POU2F1: variants seen among roughly 807,000 people sequenced by gnomAD.
POU2F1 encodes POU domain, class 2, transcription factor 1.
POU2F1 carries 16 observed loss-of-function variants against 84.9 expected under a neutral mutation model. The ratio of observed to expected loss-of-function variants is 0.19; its 90% CI spans 0.13 to 0.29. The LOEUF is 0.29. POU2F1 is among the 10% of genes least tolerant of loss of function. The probability of loss-of-function intolerance (pLI) is 1.00; values close to 1 mark genes in which losing one functional copy is unlikely to be tolerated. For missense variants in POU2F1, 738 were observed against 942.6 expected (o/e 0.78, Z 2.84); for synonymous variants, 368 against 368.3 (o/e 1.00, Z 0.01).
chr1:167,250,310 G>C (rs1340383978), intron 1 of POU2F1, among the ~76,000 whole-genome samples: 1 of 152,118 alleles, frequency 6.6e-6, no homozygotes, highest in African/African-American at 2.4e-5. Flanking sequence ...GATGTTTGGG[G>C]AACATCCATC....
intron 1 of POU2F1, among the ~76,000 whole-genome samples, chr1:167,282,822 A>G (rs1437072841): frequency 6.6e-6 from 1 of 152,228 alleles, no homozygotes; most frequent in African/African-American, 2.4e-5. Context: ...GGTTAAATGC[A>G]GAGCTTGCTC....
chr1:167,356,163 C>CTTTTTTTTTTT (rs1187844604), intron 2 of POU2F1, among the ~76,000 whole-genome samples: 1 of 129,854 alleles, frequency 7.7e-6, no homozygotes. Flanking sequence ...TTTTCTTTTT[C>CTTTTTTTTTTT]TTTTTTTTTT....
At chr1:167,360,314 G>A (rs893478163) in intron 2 of POU2F1, among the ~76,000 whole-genome samples, 3 of 152,078 alleles carry the variant, frequency 2.0e-5, no homozygotes, top group Non-Finnish European at 4.4e-5. Flanking sequence ...TTTTCTTCTG[G>A]GGTTTTTACA....
intron 9 of POU2F1, 85 bp downstream of exon 9, chr1:167,389,846 T>G: frequency 6.9e-7 from 1 of 1,459,364 alleles, no homozygotes; most frequent in Non-Finnish European, 9.3e-7. Context: ...ATTCCACATC[T>G]GTGGATTCAA....
intron 15 of POU2F1, chr1:167,414,357 T>C (rs1650168398): frequency 1.0e-6 from 1 of 985,252 alleles, no homozygotes; most frequent in Non-Finnish European, 1.2e-6. Flanking sequence ...TCTGAAAAGA[T>C]ACTAAGTTTG....
intron 9 of POU2F1, among the ~76,000 whole-genome samples, chr1:167,394,255 AAAT>A (rs1648645006): frequency 6.6e-6 from 1 of 152,112 alleles, no homozygotes; most frequent in Non-Finnish European, 1.5e-5. Context: ...TCCTGACCTC[AAAT>A]AATCCACCCG....
intron 1 of POU2F1, among the ~76,000 whole-genome samples, chr1:167,275,030 GTATTTTTTTTT>G (rs1002313281): frequency 3.3e-5 from 4 of 120,756 alleles, no homozygotes; most frequent in African/African-American, 1.2e-4. Context: ...TCAAATAAAT[GTATTTTTTTTT>G]TTTTTTTTTT....
At chr1:167,328,954 A>C (rs1240572776) in intron 1 of POU2F1, 4 of 861,744 alleles carry the variant, frequency 4.6e-6, no homozygotes, top group Non-Finnish European at 4.3e-6. Flanking sequence ...TGCCAGCTGC[A>C]ATCTTTGTTT....
chr1:167,238,905 G>A (rs749553234), intron 1 of POU2F1, among the ~76,000 whole-genome samples: 9 of 152,162 alleles, frequency 5.9e-5, no homozygotes, highest in Non-Finnish European at 1.2e-4. Flanking sequence ...ACTCAGATGG[G>A]TGGCTAGAGT....
intron 2 of POU2F1, among the ~76,000 whole-genome samples, chr1:167,364,822 G>A (rs995876420): frequency 4.6e-5 from 7 of 151,886 alleles, no homozygotes; most frequent in Non-Finnish European, 8.8e-5. Context: ...ACCCACCTTG[G>A]CCTCCCAAAG....
At chr1:167,362,146 A>G (rs1428966976) in intron 2 of POU2F1, among the ~76,000 whole-genome samples, 1 of 152,080 alleles carries the variant, frequency 6.6e-6, no homozygotes, top group Non-Finnish European at 1.5e-5. Flanking sequence ...TTAGGTCTTT[A>G]TGTTTTACAA....
Position 167,329,886 on chromosome 1 carries a change from A to AT in POU2F1, c.62-2577dup, listed in dbSNP as rs1404211136. Among the ~76,000 whole-genome samples the AT allele has an allele frequency of 3.3e-5, 5 of 152,192 alleles. No individual in the cohort carries two copies. In the East Asian group the frequency reaches 5.8e-4, roughly 18 times the overall value. ...TTTGCTAGGATTAGTCCTCTTTTTA[A>AT]TTTTTTTAAAATCAACTATATACTC... On this transcript the variant is annotated intron_variant, in intron 1 of 15. Coordinates refer to ENST00000367866, the MANE Select transcript of POU2F1 (RefSeq NM_002697.4).
intron 3 of POU2F1, among the ~76,000 whole-genome samples, chr1:167,367,336 C>A (rs116894269): frequency 6.6e-6 from 1 of 152,008 alleles, no homozygotes; most frequent in East Asian, 1.9e-4. Context: ...AAAATGGAAA[C>A]CTTTTGTTGT....
At chr1:167,298,345 T>C (rs1186540077) in intron 1 of POU2F1, among the ~76,000 whole-genome samples, 3 of 152,118 alleles carry the variant, frequency 2.0e-5, no homozygotes, top group African/African-American at 7.2e-5. Flanking sequence ...ATTTATTCTT[T>C]AATAAAAAAT....
Position 167,372,150 on chromosome 1 carries a change from A to C in POU2F1, c.402+114A>C, listed in dbSNP as rs1036929416. The C allele has an allele frequency of 5.9e-6, 8 of 1,360,252 alleles. No individual in the cohort carries two copies. The Admixed American group carries it at 9.6e-5, about 16-fold the overall frequency. The allele number at this position is 1,360,252 out of a possible 1,614,324, so 84.3% of individuals were successfully genotyped here. A position where few individuals can be genotyped will look rare whatever the true frequency, so the allele number is the denominator to read the frequency against. ...TGGTAGTAACATGGCTATGCCTGGC[A>C]CTATTGTGTCTTTAAGGAACTTCCT... is the stretch of plus-strand genomic sequence containing the variant. On this transcript the variant is annotated intron_variant, in intron 5 of 15. Transcript: ENST00000367866.
At chr1:167,221,133 G>C (rs1215513177) in intron 1 of POU2F1, among the ~76,000 whole-genome samples, 175 bp downstream of exon 1, 1 of 151,498 alleles carries the variant, frequency 6.6e-6, no homozygotes, top group Non-Finnish European at 1.5e-5. Flanking sequence ...GGGGGAAAGA[G>C]GCTCGGAGCG....
At chr1:167,375,903 T>C (rs1660293805) in intron 6 of POU2F1, 126 bp from the exon 7 acceptor site, 1 of 1,195,816 alleles carries the variant, frequency 8.4e-7, no homozygotes, top group Non-Finnish European at 1.2e-6. Flanking sequence ...GTTTGGAATA[T>C]GAAAGCATGC....
intron 1 of POU2F1, among the ~76,000 whole-genome samples, chr1:167,253,757 T>C (rs1384569287): frequency 6.6e-6 from 1 of 152,118 alleles, no homozygotes; most frequent in African/African-American, 2.4e-5. Context: ...AAAGAAAGTT[T>C]ATCTTAGGTC....
chr1:167,354,130 C>G (rs1658777828), intron 2 of POU2F1, among the ~76,000 whole-genome samples: 1 of 152,082 alleles, frequency 6.6e-6, no homozygotes, highest in Non-Finnish European at 1.5e-5. Context: ...GATATAATAT[C>G]CCATTGTATG....
Sources: gnomAD v4.1 joint callset for allele counts (sites outside exome capture counted in the v4.1 genomes callset) on GRCh38, gnomAD v4.1.1 for gene constraint, MANE v1.5 for transcripts, NCBI Gene and HGNC (gene_info 2026-07-23, HGNC 2026-07-21) for gene names.